Variants in MAF observed in about 807,000 individuals in gnomAD.
MAF encodes transcription factor Maf.
MAF carries 10 observed loss-of-function variants against 22.0 expected under a neutral mutation model. That is an observed-to-expected ratio of 0.45 (90% CI 0.28 to 0.77). MAF has a LOEUF of 0.77. MAF is among the 30% of genes least tolerant of loss of function. MAF has a pLI of 0.12. For missense variants in MAF, 544 were observed against 548.4 expected, an observed-to-expected ratio of 0.99 and a Z score of 0.08; for synonymous variants, 337 against 255.8, an observed-to-expected ratio of 1.32 and a Z score of -3.03.
At chr16:79,368,402 CATG>C in the MAF span, among the ~76,000 whole-genome samples, 1 of 152,070 alleles carries the variant, frequency 6.6e-6, no homozygotes, top group Non-Finnish European at 1.5e-5. Flanking sequence ...TTCTAGAGCT[CATG>C]TTCCACGGGT....
At chr16:79,278,826 C>T in the MAF span, among the ~76,000 whole-genome samples, 1 of 152,226 alleles carries the variant, frequency 6.6e-6, no homozygotes, top group African/African-American at 2.4e-5. Context: ...AGTGTCTGCC[C>T]CTTCTGCTGA....
At chr16:79,434,325 T>A in the MAF span, among the ~76,000 whole-genome samples, 1 of 152,260 alleles carries the variant, frequency 6.6e-6, no homozygotes, top group Admixed American at 6.5e-5. Flanking sequence ...TGTTTAATGA[T>A]GACTTCACCA....
chr16:79,269,491 A>T, the MAF span, among the ~76,000 whole-genome samples: 3 of 152,130 alleles, frequency 2.0e-5, no homozygotes, highest in Non-Finnish European at 4.4e-5. Flanking sequence ...CACAGCTCCC[A>T]TCCCAAATGA....
the MAF span, among the ~76,000 whole-genome samples, chr16:79,376,047 TC>T: frequency 6.6e-6 from 1 of 152,086 alleles, no homozygotes; most frequent in Non-Finnish European, 1.5e-5. Flanking sequence ...CAGACTTTTT[TC>T]AAAACATTGA....
At chr16:79,547,296 CACAT>C in the MAF span, among the ~76,000 whole-genome samples, 1 of 152,016 alleles carries the variant, frequency 6.6e-6, no homozygotes. Flanking sequence ...TACACACACA[CACAT>C]ACTCCTATAC....
the MAF span, among the ~76,000 whole-genome samples, chr16:79,457,006 A>T: frequency 3.3e-5 from 5 of 152,160 alleles, no homozygotes; most frequent in African/African-American, 1.2e-4. Flanking sequence ...AGGGCTTATA[A>T]GAAATTTGGG....
chr16:79,586,714 T>C (rs1912864700), intron 1 of MAF, among the ~76,000 whole-genome samples: 1 of 152,244 alleles, frequency 6.6e-6, no homozygotes, highest in Admixed American at 6.5e-5. Flanking sequence ...TATCATTTAC[T>C]GTACAGAGTC....
At chr16:79,463,081 G>T in the MAF span, among the ~76,000 whole-genome samples, 1 of 152,170 alleles carries the variant, frequency 6.6e-6, no homozygotes, top group Admixed American at 6.5e-5. Context: ...CATAAAGCTG[G>T]GGAAGAAAAC....
the MAF span, among the ~76,000 whole-genome samples, chr16:79,500,509 C>T: frequency 6.6e-6 from 1 of 152,132 alleles, no homozygotes; most frequent in Admixed American, 6.5e-5. Flanking sequence ...TCCTCTGTCC[C>T]CAGCCATCCT....
the MAF span, among the ~76,000 whole-genome samples, chr16:79,439,426 T>C: frequency 1.1e-3 from 163 of 151,950 alleles, no homozygotes; most frequent in African/African-American, 3.8e-3. Flanking sequence ...CATGCCCGGC[T>C]AATTTTTGTA....
the MAF span, among the ~76,000 whole-genome samples, chr16:79,404,799 C>T: frequency 0.12 from 18,206 of 152,098 alleles, 1,170 homozygotes; most frequent in South Asian, 0.25. Context: ...TGGTTTTCAG[C>T]GCCACTGAGG....
At chr16:79,365,784 A>G in the MAF span, among the ~76,000 whole-genome samples, 216 of 152,338 alleles carry the variant, frequency 1.4e-3, 1 homozygote, top group African/African-American at 4.8e-3. Flanking sequence ...TCCTAGAACC[A>G]TGAAATTGTT....
intron 1 of MAF, chr16:79,598,434 C>T (rs1472056770): frequency 1.2e-4 from 34 of 284,432 alleles, no homozygotes; most frequent in Non-Finnish European, 1.8e-4. Context: ...TGTGCAAGTC[C>T]GGGGGTGGGG....
the MAF span, among the ~76,000 whole-genome samples, chr16:79,442,293 C>A: frequency 6.6e-6 from 1 of 152,086 alleles, no homozygotes; most frequent in Non-Finnish European, 1.5e-5. Flanking sequence ...GGGAAGCAAC[C>A]GAAAGAACTA....
At chr16:79,598,603 T>TGC (rs1299239669) in intron 1 of MAF, 182 bp downstream of exon 1, 12 of 1,485,782 alleles carry the variant, frequency 8.1e-6, no homozygotes, top group Admixed American at 6.2e-5. Flanking sequence ...TGTGTGTGTG[T>TGC]GTGTGTGGTG....
chr16:79,434,583 G>T, the MAF span, among the ~76,000 whole-genome samples: 1 of 151,546 alleles, frequency 6.6e-6, no homozygotes, highest in African/African-American at 2.4e-5. Context: ...TTATGTTATA[G>T]ATTATGTTGT....
chr16:79,253,975 C>A, the MAF span, among the ~76,000 whole-genome samples: 1 of 151,776 alleles, frequency 6.6e-6, no homozygotes, highest in South Asian at 2.1e-4. Context: ...CAACCACAGT[C>A]CCTTCCTGAT....
chr16:79,272,200 G>A, the MAF span, among the ~76,000 whole-genome samples: 171 of 152,318 alleles, frequency 1.1e-3, no homozygotes, highest in African/African-American at 2.5e-3. Flanking sequence ...CTCTGAACGC[G>A]CTCAGAGACA....
At chr16:79,296,010 G>C in the MAF span, among the ~76,000 whole-genome samples, 2 of 152,206 alleles carry the variant, frequency 1.3e-5, no homozygotes, top group African/African-American at 4.8e-5. Flanking sequence ...GCCATGGGTG[G>C]GGCTGTCCCC....
Sources: gnomAD v4.1 joint callset for allele counts (sites outside exome capture counted in the v4.1 genomes callset) on GRCh38, gnomAD v4.1.1 for gene constraint, MANE v1.5 for transcripts, NCBI Gene and HGNC (gene_info 2026-07-23, HGNC 2026-07-21) for gene names.